Variants in SH3YL1 observed in about 807,000 individuals in gnomAD.
SH3YL1 encodes the protein SH3 domain-containing YSC84-like protein 1.
In SH3YL1, 41 loss-of-function variants were observed where a neutral mutation model predicts 45.8. That is an observed-to-expected ratio of 0.89 (90% confidence interval 0.70 to 1.16). SH3YL1 has a LOEUF of 1.16. SH3YL1 is among the 50% of genes most tolerant of loss of function. The pLI is 0.00. For missense variants in SH3YL1, 389 were observed against 409.6 expected (o/e 0.95, Z 0.43); for synonymous variants, 152 against 151.4 (o/e 1.00, Z -0.03).
chr2:253,992 T>C (rs1669196348), intron 1 of SH3YL1, among the ~76,000 whole-genome samples: 1 of 152,162 alleles, frequency 6.6e-6, no homozygotes, highest in Non-Finnish European at 1.5e-5. Flanking sequence ...CCAAAGGATG[T>C]TAAACAAAAC....
chr2:255,569 C>CA (rs1669282368), intron 1 of SH3YL1, among the ~76,000 whole-genome samples: 1 of 152,198 alleles, frequency 6.6e-6, no homozygotes, highest in Non-Finnish European at 1.5e-5. Context: ...TGCACTCCAG[C>CA]CTGGGCAACA....
chr2:227,511 C>T (rs1667835207), intron 8 of SH3YL1, among the ~76,000 whole-genome samples: 1 of 151,940 alleles, frequency 6.6e-6, no homozygotes, highest in Admixed American at 6.6e-5. Context: ...AGAACTATAC[C>T]AGTTGACTTA....
intron 4 of SH3YL1, among the ~76,000 whole-genome samples, chr2:245,611 TGGAAGCACCCA>T (rs1471981132): frequency 6.6e-6 from 1 of 152,150 alleles, no homozygotes; most frequent in East Asian, 1.9e-4. Context: ...CATCACAGAC[TGGAAGCACCCA>T]GGTCAGAATT....
At chr2:226,311 CTATAA>C (rs1294298998) in intron 8 of SH3YL1, among the ~76,000 whole-genome samples, 1 of 152,008 alleles carries the variant, frequency 6.6e-6, no homozygotes, top group Non-Finnish European at 1.5e-5. Context: ...CCAACAAAAC[CTATAA>C]TATAGATAAC....
chr2:229,900 T>C (rs1176212108), intron 8 of SH3YL1, 66 bp downstream of exon 8: 2 of 1,281,078 alleles, frequency 1.6e-6, no homozygotes, highest in African/African-American at 3.0e-5. Flanking sequence ...TATCTTGATT[T>C]CTTAATGATA....
At chr2:256,423 G>A (rs574607637) in intron 1 of SH3YL1, 1 of 152,228 alleles carries the variant, frequency 6.6e-6, no homozygotes, top group African/African-American at 2.4e-5. Flanking sequence ...CGGACACGGT[G>A]GCTCACACCT....
intron 4 of SH3YL1, chr2:239,715 T>C (rs971525006): frequency 1.3e-5 from 2 of 152,194 alleles, no homozygotes; most frequent in African/African-American, 4.8e-5. Context: ...AGAATGACAC[T>C]GCAGTGGTGG....
intron 1 of SH3YL1, chr2:262,686 AGCAGTTATTTCCCTTTGACTGC>A: frequency 7.7e-7 from 1 of 1,303,192 alleles, no homozygotes; most frequent in African/African-American, 1.5e-5. Flanking sequence ...GAGTCAGGGT[AGCAGTTATTTCCCTTTGACTGC>A]CTCAACTTCC....
At chr2:219,634 G>A (rs1667492209) in intron 9 of SH3YL1, among the ~76,000 whole-genome samples, 1 of 152,176 alleles carries the variant, frequency 6.6e-6, no homozygotes, top group African/African-American at 2.4e-5. Context: ...GCAGCTGGAA[G>A]GGGCCAAGAT....
rs575330406 is a variant in SH3YL1, at chr2:249,398, G to C, written c.226+333C>G. ...AAGAAAGCAGCTACACCATGAAGTTGAGGAATAAGAATTCATATTAAACAA... is the reference window on the plus strand; with the variant it reads ...AAGAAAGCAGCTACACCATGAAGTTCAGGAATAAGAATTCATATTAAACAA... On this transcript the variant is annotated intron_variant, in intron 3 of 9. Transcript: ENST00000356150. Among the ~76,000 whole-genome samples the C allele has an allele frequency of 3.3e-5, 5 of 152,172 alleles. No homozygotes were observed. In the East Asian group the frequency reaches 9.6e-4, roughly 29 times the overall value.
At position 230,022 on chromosome 2, in the gene SH3YL1, G is replaced by A; in HGVS notation, c.725C>T (p.Pro242Leu). ...KSSAKELPPK[P>L]LSRPQQSSAP... Reference sequence around the variant, plus strand: ...AGATGACTGCTGTGGTCTTGACAATGGCTTTGGAGGTAATTCTTTAGCCTG... The same window carrying A: ...AGATGACTGCTGTGGTCTTGACAATAGCTTTGGAGGTAATTCTTTAGCCTG... Residue 242 changes from proline (P) to leucine (L), a missense_variant, in exon 8 of 10, where the codon CCA (proline) becomes CTA (leucine). Coordinates refer to ENST00000356150, the MANE Select transcript of SH3YL1 (RefSeq NM_015677.4). 1.9e-6 allele frequency: 3 copies of A among 1,606,102 alleles called. No homozygotes were observed. Among genetic ancestry groups the A allele is most frequent in the Non-Finnish European group, 2.6e-6 (3 of 1,175,524 alleles).
At chr2:254,930 C>T (rs549038799) in intron 1 of SH3YL1, among the ~76,000 whole-genome samples, 6 of 152,228 alleles carry the variant, frequency 3.9e-5, no homozygotes, top group African/African-American at 1.4e-4. Context: ...TGTTTGTCTT[C>T]TATCTATTTA....
At chr2:235,284 T>TG (rs1373847393) in intron 4 of SH3YL1, among the ~76,000 whole-genome samples, 1 of 152,230 alleles carries the variant, frequency 6.6e-6, no homozygotes, top group African/African-American at 2.4e-5. Flanking sequence ...ATCACTGCAA[T>TG]GTGGAAGTCC....
chr2:250,963 T>C (rs553124896), intron 2 of SH3YL1, among the ~76,000 whole-genome samples: 1 of 152,376 alleles, frequency 6.6e-6, no homozygotes, highest in Admixed American at 6.5e-5. Flanking sequence ...GTATTATATG[T>C]TGTGCAGATT....
chr2:261,882 C>T (rs143919625), intron 1 of SH3YL1, among the ~76,000 whole-genome samples: 2 of 152,310 alleles, frequency 1.3e-5, no homozygotes, highest in East Asian at 3.9e-4. Flanking sequence ...GGAATACTTA[C>T]AGGAAAGCAA....
chr2:250,121 G>C (rs998088098), intron 2 of SH3YL1, among the ~76,000 whole-genome samples: 1 of 152,134 alleles, frequency 6.6e-6, no homozygotes, highest in South Asian at 2.1e-4. Context: ...ATTTGAAAGA[G>C]ATTTTATTGC....
chr2:239,922 C>A (rs113767322), intron 4 of SH3YL1: 3 of 152,328 alleles, frequency 2.0e-5, no homozygotes, highest in African/African-American at 7.2e-5. Context: ...ACCTGTGCCC[C>A]GCTGCAGGTC....
intron 4 of SH3YL1, among the ~76,000 whole-genome samples, chr2:236,369 C>A (rs1668304354): frequency 6.6e-6 from 1 of 152,106 alleles, no homozygotes; most frequent in Non-Finnish European, 1.5e-5. Flanking sequence ...GTGTCTCTGA[C>A]TGTTCTGTGT....
chr2:245,661 T>G lies in SH3YL1; in HGVS notation c.291+1877A>C, dbSNP rs185521182. Among the ~76,000 whole-genome samples the G allele has an allele frequency of 1.9e-4, 29 of 152,208 alleles. No homozygotes were observed. In the East Asian group the frequency reaches 5.6e-3, roughly 29 times the overall value. On this transcript the variant is annotated intron_variant, in intron 4 of 9. Transcript: ENST00000356150. ...GCCAGAATGGTCTGACCCAGTCTTCTCTCTTACAGCTCACCACTGTCTCGT... is the reference window on the plus strand; with the variant it reads ...GCCAGAATGGTCTGACCCAGTCTTCGCTCTTACAGCTCACCACTGTCTCGT...
Sources: allele counts gnomAD v4.1 joint callset (sites outside exome capture counted in the v4.1 genomes callset), GRCh38; gene constraint gnomAD v4.1.1; transcripts MANE v1.5; gene names NCBI Gene and HGNC (gene_info 2026-07-23, HGNC 2026-07-21).